CIITA: variants seen among roughly 807,000 people sequenced by gnomAD.
The protein encoded by CIITA is MHC class II transactivator.
A neutral mutation model predicts 115.1 loss-of-function variants in CIITA; 72 were observed. The ratio of observed to expected loss-of-function variants is 0.63; its 90% CI spans 0.52 to 0.76. CIITA has a LOEUF of 0.76. Among genes scored for constraint, CIITA ranks in the 30% least tolerant of loss-of-function variants. The probability of loss-of-function intolerance (pLI) is 0.00; values close to 1 mark genes in which losing one functional copy is unlikely to be tolerated. For missense variants in CIITA, 1,617 were observed against 1,463.8 expected (o/e 1.10, Z -1.71); for synonymous variants, 763 against 635.6 (o/e 1.20, Z -3.02).
In CIITA at chr16:10,916,457, CAAGT is replaced by C. The variant is rs2039957196; in HGVS notation, c.3061_3062+2del. The C allele has an allele frequency of 6.2e-7, 1 of 1,610,596 alleles. No individual in the cohort carries two copies. The highest frequency in any genetic ancestry group is 1.3e-5 in the African/African-American group (1 of 74,820). On this transcript the variant is annotated splice_donor_variant and coding_sequence_variant, in exon 15 of 20. Coordinates refer to ENST00000324288, the MANE Select transcript of CIITA (RefSeq NM_000246.4). LOFTEE classifies it high-confidence loss of function. ...CCCAGCTGAAGTCCTTGGAAACCCT[CAAGT>C]GAGTGAGCTGGGCCTGCCCTTCCTG... is the stretch of plus-strand genomic sequence containing the variant.
rs1264051344 is a variant in CIITA, at chr16:10,934,148, A to C, written c.*10293A>C. The C allele has an allele frequency of 6.6e-6, 1 of 152,262 alleles. No individual in the cohort carries two copies. Among genetic ancestry groups the C allele is most frequent in the Admixed American group, 6.5e-5 (1 of 15,286 alleles). 9.4% of individuals were successfully genotyped at this position (152,262 alleles called of 1,614,324 possible). Reference sequence around the variant, plus strand: ...ACGTGCCTCCAGCTGGTCACGCCCAAGACTCCCTGAGCCCTCTGGAAGGGC... The same window carrying C: ...ACGTGCCTCCAGCTGGTCACGCCCACGACTCCCTGAGCCCTCTGGAAGGGC... On this transcript the variant is annotated 3_prime_UTR_variant, in exon 20 of 20. Coordinates refer to ENST00000324288, the MANE Select transcript of CIITA (RefSeq NM_000246.4). The surrounding 1 kb of genome is among the most constrained non-coding windows in gnomAD (Gnocchi z 4.2).
chr16:10,898,777 C>T lies in CIITA; in HGVS notation c.358+45C>T, dbSNP rs1328785839. 3.1e-6 allele frequency: 5 copies of T among 1,610,168 alleles called. No individual in the cohort carries two copies. In the Admixed American group the frequency reaches 8.4e-5, roughly 27 times the overall value. On this transcript the variant is annotated intron_variant, in intron 4 of 19. Coordinates refer to ENST00000324288, the MANE Select transcript of CIITA (RefSeq NM_000246.4). ...GGAGGTCTTGGCTCAGCCTGCATTT[C>T]CTGCCTTGTTCCCTGGGGGGTGCCC...
chr16:10,879,205 G>A lies in CIITA; in HGVS notation c.52+1823G>A, dbSNP rs1436674950. Among the ~76,000 whole-genome samples the A allele has an allele frequency of 6.6e-6, 1 of 152,166 alleles. No homozygotes were observed. Among genetic ancestry groups the A allele is most frequent in the Non-Finnish European group, 1.5e-5 (1 of 68,022 alleles). The stretch of plus-strand genomic sequence containing the variant: ...GAAACACCTCGTTTCCAGCATCCCC[G>A]CAACGACTCTGCGCGGGAACCAGGA... On this transcript the variant is annotated intron_variant, in intron 1 of 19. Coordinates refer to ENST00000324288, the MANE Select transcript of CIITA (RefSeq NM_000246.4). This position sits in a 1 kb window ranked among gnomAD's most constrained non-coding sequence, Gnocchi z 4.3.
Position 10,906,967 on chromosome 16 carries a change from A to G in CIITA, c.1475A>G (p.Asp492Gly), listed in dbSNP as rs1222443093. 6.2e-7 allele frequency: 1 copy of G among 1,612,320 alleles called. No individual in the cohort carries two copies. The highest frequency in any genetic ancestry group is 1.7e-5 in the Admixed American group (1 of 59,956). The change falls in exon 11 of 20, where the codon GAC (aspartate) becomes GGC (glycine). Residue 492 changes from aspartate to glycine, a missense_variant. Coordinates refer to ENST00000324288, the MANE Select transcript of CIITA (RefSeq NM_000246.4). The stretch of plus-strand genomic sequence containing the variant: ...TTCAGCCACATCTTGAAGAGACCTG[A>G]CCGCGTTCTGCTCATCCTAGACGGC... ...EVFSHILKRP[D>G]RVLLILDGFE...
chr16:10,906,204 C>A (rs1438020063), intron 10 of CIITA, among the ~76,000 whole-genome samples: 1 of 151,924 alleles, frequency 6.6e-6, no homozygotes, highest in African/African-American at 2.4e-5. Context: ...ACAAAAAAAT[C>A]AAAAAATTAT....
At position 10,895,862 on chromosome 16, in the gene CIITA, C is replaced by T; in HGVS notation, c.295+98C>T. The T allele has an allele frequency of 3.5e-6, 4 of 1,154,748 alleles. No homozygotes were observed. In the South Asian group the frequency reaches 3.9e-5, roughly 11 times the overall value. 71.5% of individuals were successfully genotyped at this position (1,154,748 alleles called of 1,614,324 possible). ...CCATTCATCATGAGCCACGTCAGTC[C>T]CCTCCCACAGAAATCATTGCAAGGG... On this transcript the variant is annotated intron_variant, in intron 3 of 19. Coordinates refer to ENST00000324288, the MANE Select transcript of CIITA (RefSeq NM_000246.4).
intron 1 of CIITA, among the ~76,000 whole-genome samples, chr16:10,869,050 A>G (rs1311447158): frequency 6.6e-6 from 1 of 152,210 alleles, no homozygotes; most frequent in Non-Finnish European, 1.5e-5. Flanking sequence ...AAGGGCACTG[A>G]CTTTCATTTT....
rs113637280 is a variant in CIITA, at chr16:10,894,297, C to T, written c.53-985C>T. Among the ~76,000 whole-genome samples the T allele has an allele frequency of 1.4e-3, 220 of 152,298 alleles. 1 individual carries two copies. Among genetic ancestry groups the T allele is most frequent in the African/African-American group, 5.2e-3 (215 of 41,562 alleles). ...ATGTTCCAGCATGTATCAGTGCTTT[C>T]TCCCTTTAATGGTGGAATACTTTAT... is the stretch of plus-strand genomic sequence containing the variant. On this transcript the variant is annotated intron_variant, in intron 1 of 19. Coordinates refer to ENST00000324288, the MANE Select transcript of CIITA (RefSeq NM_000246.4).
In CIITA at chr16:10,907,024, T is replaced by C. The variant is rs147316330; in HGVS notation, c.1532T>C (p.Leu511Pro). The C allele has an allele frequency of 1.8e-5, 29 of 1,608,736 alleles. No individual in the cohort carries two copies. In the East Asian group the frequency reaches 5.6e-4, roughly 31 times the overall value. Residue 511 changes from leucine to proline, a missense_variant, in exon 11 of 20, where the codon CTG becomes CCG. By Grantham distance (98) the Leu-to-Pro change is moderately conservative. Coordinates refer to ENST00000324288, the MANE Select transcript of CIITA (RefSeq NM_000246.4). The surrounding 1 kb of genome is among the most constrained non-coding windows in gnomAD (Gnocchi z 5.0). ...GAGCTGGAAGCGCAAGATGGCTTCC[T>C]GCACAGCACGTGCGGACCGGCACCG... ...FEELEAQDGF[L>P]HSTCGPAPAE...
intron 16 of CIITA, among the ~76,000 whole-genome samples, chr16:10,921,060 G>T (rs1004220461): frequency 1.3e-5 from 2 of 152,162 alleles, no homozygotes; most frequent in Non-Finnish European, 2.9e-5. Context: ...TAGAGACGGG[G>T]TTTCTCCATG....
intron 1 of CIITA, among the ~76,000 whole-genome samples, chr16:10,890,343 G>A (rs2037436605): frequency 6.6e-6 from 1 of 151,964 alleles, no homozygotes; most frequent in Non-Finnish European, 1.5e-5. Flanking sequence ...GAGTGCAGTG[G>A]TGCAATCTCA....
chr16:10,878,441 G>A (rs1272931364), intron 1 of CIITA, among the ~76,000 whole-genome samples: 3 of 152,200 alleles, frequency 2.0e-5, no homozygotes, highest in African/African-American at 4.8e-5. Flanking sequence ...GAAAAGGACC[G>A]GCAGGGCTCT....
chr16:10,877,362 C>A lies in CIITA; in HGVS notation c.32C>A (p.Ser11Tyr), dbSNP rs1220988359. 1 of 1,613,406 alleles carries A rather than the reference C, an allele frequency of 6.2e-7. No individual in the cohort carries two copies. The highest frequency in any genetic ancestry group is 8.5e-7 in the Non-Finnish European group (1 of 1,179,640). Residue 11 changes from serine to tyrosine, a missense_variant, in exon 1 of 20, where the codon TCC (serine) becomes TAC (tyrosine). Physicochemically the swap from Ser to Tyr is moderately radical, Grantham distance 144. Coordinates refer to ENST00000324288, the MANE Select transcript of CIITA (RefSeq NM_000246.4). Reference protein sequence around the residue: MRCLAPRPAGSYLSEPQGSSQ... With the variant: MRCLAPRPAGYYLSEPQGSSQ... ...TGCCTGGCTCCACGCCCTGCTGGGTCCTACCTGTCAGAGCCCCAAGGTAAA... is the reference window on the plus strand; with the variant it reads ...TGCCTGGCTCCACGCCCTGCTGGGTACTACCTGTCAGAGCCCCAAGGTAAA...
rs779696399 is a variant in CIITA at position 10,922,456 on chromosome 16, A to G, written c.3283A>G (p.Ser1095Gly). The G allele has an allele frequency of 2.5e-6, 4 of 1,614,016 alleles. No homozygotes were observed. In the African/African-American group the frequency reaches 5.3e-5, roughly 22 times the overall value. ...TGCCGGGGCCCAGCAGCTCGCTGCCAGCCTTCGGAGGTGTCCTCATGTGGA... is the reference window on the plus strand; with the variant it reads ...TGCCGGGGCCCAGCAGCTCGCTGCCGGCCTTCGGAGGTGTCCTCATGTGGA... Reference protein sequence around the residue: ...TAAGAQQLAASLRRCPHVETL... With the variant: ...TAAGAQQLAAGLRRCPHVETL... The change falls in exon 18 of 20, where the codon AGC becomes GGC. Residue 1095 changes from serine (S) to glycine (G), a missense_variant. Transcript: ENST00000324288.
At chr16:10,880,127 C>T (rs1044999102) in intron 1 of CIITA, among the ~76,000 whole-genome samples, 2 of 152,198 alleles carry the variant, frequency 1.3e-5, no homozygotes, top group East Asian at 3.9e-4. Flanking sequence ...TTGCAAACCC[C>T]CGGCTCCCTT....
Position 10,942,228 on chromosome 16 carries a change from C to A in CIITA, n.1354C>A. On this transcript the variant is annotated non_coding_transcript_exon_variant, in exon 2 of 2. Coordinates refer to the CIITA transcript ENST00000573379. The surrounding 1 kb of genome is among the most constrained non-coding windows in gnomAD (Gnocchi z 5.0). The stretch of plus-strand genomic sequence containing the variant: ...TGTGCCCCCAAGGATCTCTCGACCG[C>A]CCGGGCGGCGAGGCGGGCCCCCCTG... 1 of 391,880 alleles carries A rather than the reference C, an allele frequency of 2.6e-6. No homozygotes were observed. Among genetic ancestry groups the A allele is most frequent in the East Asian group, 4.7e-5 (1 of 21,332 alleles). The allele number at this position is 391,880 out of a possible 1,614,324, so 24.3% of individuals were successfully genotyped here. A position where few individuals can be genotyped will look rare whatever the true frequency, so the allele number is the denominator to read the frequency against.
At chr16:10,916,537 T>G in intron 15 of CIITA, 78 bp downstream of exon 15, 4 of 1,284,950 alleles carry the variant, frequency 3.1e-6, no homozygotes, top group South Asian at 1.3e-5. Context: ...TAATTTAAAT[T>G]TGTTTTTTTA....
In CIITA at chr16:10,930,992, C is replaced by T. The variant is rs1159184288; in HGVS notation, c.*7137C>T. Reference sequence around the variant, plus strand: ...GAGATCTCCAAGGCCTGTGGTCATCCTTGAGCCCATCTCAGATTTGTGTGG... The same window carrying T: ...GAGATCTCCAAGGCCTGTGGTCATCTTTGAGCCCATCTCAGATTTGTGTGG... On this transcript the variant is annotated 3_prime_UTR_variant, in exon 20 of 20. Coordinates refer to ENST00000324288, the MANE Select transcript of CIITA (RefSeq NM_000246.4). 6.6e-6 allele frequency: 1 copy of T among 152,270 alleles called. No individual in the cohort carries two copies. The highest frequency in any genetic ancestry group is 1.5e-5 in the Non-Finnish European group (1 of 68,080). The allele number at this position is 152,270 out of a possible 1,614,324, so 9.4% of individuals were successfully genotyped here. A position where few individuals can be genotyped will look rare whatever the true frequency, so the allele number is the denominator to read the frequency against.
intron 3 of CIITA, 43 bp from the exon 4 acceptor site, chr16:10,898,627 G>C: frequency 6.3e-7 from 1 of 1,578,588 alleles, no homozygotes; most frequent in Non-Finnish European, 8.6e-7. Context: ...TGGGCCTTCA[G>C]TTAGACCTTG....
Sources: allele counts gnomAD v4.1 joint callset (sites outside exome capture counted in the v4.1 genomes callset), GRCh38; gene constraint gnomAD v4.1.1; non-coding constraint Gnocchi (gnomAD v3.1); transcripts MANE v1.5; gene names NCBI Gene and HGNC (gene_info 2026-07-23, HGNC 2026-07-21).